The following KLB variants were observed in gnomAD, a reference collection of about 807,000 sequenced individuals.
The protein encoded by KLB is klotho beta.
In KLB, 44 loss-of-function variants were observed where a neutral mutation model predicts 88.4. The ratio of observed to expected loss-of-function variants is 0.50; its 90% CI spans 0.39 to 0.64. The LOEUF (loss-of-function observed/expected upper bound fraction) is 0.64. Among genes scored for constraint, KLB ranks in the 30% least tolerant of loss-of-function variants. The probability of loss-of-function intolerance (pLI) is 0.00; values close to 1 mark genes in which losing one functional copy is unlikely to be tolerated. For synonymous variants in KLB, 548 were observed against 513.4 expected (o/e 1.07, Z -0.91); for missense variants, 1,137 against 1,304.8 (o/e 0.87, Z 1.98).
intron 1 of KLB, among the ~76,000 whole-genome samples, chr4:39,412,656 C>T (rs1044832932): frequency 6.6e-6 from 1 of 152,268 alleles, no homozygotes; most frequent in Admixed American, 6.5e-5. Flanking sequence ...TTTAAGTGCC[C>T]CTTCTGCTGG....
At chr4:39,437,695 C>T in intron 2 of KLB, 32 bp from the exon 3 acceptor site, 2 of 1,576,722 alleles carry the variant, frequency 1.3e-6, no homozygotes, top group Non-Finnish European at 1.7e-6. Flanking sequence ...GTTTAGGCCT[C>T]TGAACATCTC....
chr4:39,412,206 C>CT (rs1246184876), intron 1 of KLB, among the ~76,000 whole-genome samples: 1 of 151,954 alleles, frequency 6.6e-6, no homozygotes, highest in Non-Finnish European at 1.5e-5. Flanking sequence ...TACCCCAAAA[C>CT]TATTGAAATT....
intron 1 of KLB, among the ~76,000 whole-genome samples, chr4:39,419,602 G>A (rs1350097824): frequency 6.6e-6 from 1 of 151,908 alleles, no homozygotes; most frequent in Non-Finnish European, 1.5e-5. Flanking sequence ...AGTGAAACCT[G>A]TCTCTACTGA....
chr4:39,441,837 C>A (rs1347364126), intron 3 of KLB: 1 of 152,012 alleles, frequency 6.6e-6, no homozygotes, highest in Middle Eastern at 3.4e-3. Context: ...AGAAAAATTA[C>A]GGTGCTTTTT....
intron 1 of KLB, 54 bp from the exon 2 acceptor site, chr4:39,434,156 T>C: frequency 1.7e-5 from 26 of 1,500,336 alleles, no homozygotes; most frequent in Non-Finnish European, 2.4e-5. Flanking sequence ...ACCAGCCATG[T>C]TACAGCCCTT....
intron 1 of KLB, among the ~76,000 whole-genome samples, chr4:39,425,118 A>G (rs1425623739): frequency 6.6e-6 from 1 of 152,210 alleles, no homozygotes; most frequent in Admixed American, 6.6e-5. Context: ...TGGCATGCAA[A>G]TGCTCTCCTC....
Position 39,407,243 on chromosome 4 carries a change from G to C in KLB, c.294G>C (p.Gly98=). 6.2e-7 allele frequency: 1 copy of C among 1,614,168 alleles called. No individual in the cohort carries two copies. Among genetic ancestry groups the C allele is most frequent in the African/African-American group, 1.3e-5 (1 of 75,032 alleles). ...GGACTGGAGCATTGCAAGTGGAAGGGAGTTGGAAGAAGGATGGAAAAGGAC... is the reference window on the plus strand; with the variant it reads ...GGACTGGAGCATTGCAAGTGGAAGGCAGTTGGAAGAAGGATGGAAAAGGAC... ...GIGTGALQVE[G]SWKKDGKGPS... The change falls in exon 1 of 5, where the codon GGG becomes GGC. Residue 98 remains glycine (G), a synonymous_variant. Transcript: ENST00000257408.
At chr4:39,427,001 C>T (rs778546696) in intron 1 of KLB, among the ~76,000 whole-genome samples, 4 of 152,032 alleles carry the variant, frequency 2.6e-5, no homozygotes, top group Non-Finnish European at 5.9e-5. Flanking sequence ...TATTTGTAGA[C>T]TGCAGCATGG....
At position 39,446,222 on chromosome 4, in the gene KLB, C is replaced by T; in HGVS notation, c.1606-110C>T. 1 of 924,722 alleles carries T rather than the reference C, an allele frequency of 1.1e-6. No homozygotes were observed. Among genetic ancestry groups the T allele is most frequent in the South Asian group, 1.7e-5 (1 of 59,878 alleles). 57.3% of individuals were successfully genotyped at this position (924,722 alleles called of 1,614,324 possible). ...GGGAGATTTCAAGGGCTGGAATAGGCCTGGCGTGGTGGCCTGTAATCCCAG... is the reference window on the plus strand; with the variant it reads ...GGGAGATTTCAAGGGCTGGAATAGGTCTGGCGTGGTGGCCTGTAATCCCAG... On this transcript the variant is annotated intron_variant, in intron 3 of 4. Transcript: ENST00000257408. This position sits in a 1 kb window ranked among gnomAD's most constrained non-coding sequence, Gnocchi z 6.4.
chr4:39,434,716 T>C lies in KLB; in HGVS notation c.1332T>C (p.Leu444=). The C allele has an allele frequency of 6.2e-7, 1 of 1,610,304 alleles. No homozygotes were observed. The highest frequency in any genetic ancestry group is 8.5e-7 in the Non-Finnish European group (1 of 1,178,484). The change falls in exon 2 of 5, where the codon CTT becomes CTC. Residue 444 remains leucine, a synonymous_variant. Transcript: ENST00000257408. ...YMMKNFLSQV[L]QAIRLDEIRV... is the part of the protein sequence containing the mutation. Reference sequence around the variant, plus strand: ...TGAAGAATTTCCTCAGCCAGGTGCTTCAAGGTTGGTTGTACACTTGCTTAA... The same window carrying C: ...TGAAGAATTTCCTCAGCCAGGTGCTCCAAGGTTGGTTGTACACTTGCTTAA...
chr4:39,411,685 C>T (rs1367326701), intron 1 of KLB, among the ~76,000 whole-genome samples: 3 of 151,652 alleles, frequency 2.0e-5, no homozygotes, highest in Non-Finnish European at 4.4e-5. Flanking sequence ...GCTCCTGGCC[C>T]TGGCTTGGCC....
At chr4:39,447,705 T>A (rs1447358201) in intron 4 of KLB, among the ~76,000 whole-genome samples, 2 of 152,198 alleles carry the variant, frequency 1.3e-5, no homozygotes, top group Non-Finnish European at 2.9e-5. Context: ...GAGAAGTTTT[T>A]AAAAAATCAC....
intron 1 of KLB, among the ~76,000 whole-genome samples, chr4:39,426,239 G>A (rs1380566610): frequency 2.6e-5 from 3 of 115,508 alleles, no homozygotes; most frequent in African/African-American, 9.9e-5. Flanking sequence ...GCGACAGAGC[G>A]AGACTCCATC....
At position 39,407,046 on chromosome 4, in the gene KLB, G is replaced by C. The variant is rs569507853; in HGVS notation, c.97G>C (p.Gly33Arg). 1.5e-5 allele frequency: 24 copies of C among 1,613,788 alleles called. No individual in the cohort carries two copies. Among genetic ancestry groups the C allele is most frequent in the Non-Finnish European group, 2.0e-5 (24 of 1,179,806 alleles). ...TTRYRNTMSN[G>R]GLQRSVILSA... ...ACGCTATAGGAATACAATGTCCAAC[G>C]GGGGATTGCAAAGATCTGTCATCCT... The change falls in exon 1 of 5, where the codon GGG becomes CGG. Residue 33 changes from glycine to arginine, a missense_variant. Gly to Arg is a moderately radical substitution (Grantham distance 125, BLOSUM62 -2). This residue lies in a region of KLB where 111 missense variants were observed against 118.3 expected (regional missense o/e 0.94). Transcript: ENST00000257408.
At chr4:39,422,390 G>C (rs1181318641) in intron 1 of KLB, among the ~76,000 whole-genome samples, 3 of 152,076 alleles carry the variant, frequency 2.0e-5, no homozygotes, top group Non-Finnish European at 4.4e-5. Context: ...CTAACTGGCA[G>C]GCAAGAGCAC....
intron 3 of KLB, among the ~76,000 whole-genome samples, chr4:39,439,856 C>T (rs1032743943): frequency 2.0e-5 from 3 of 151,944 alleles, no homozygotes; most frequent in East Asian, 1.9e-4. Context: ...TTAGTAGAGA[C>T]GGGGTTTCAC....
At position 39,407,156 on chromosome 4, in the gene KLB, G is replaced by A. The variant is rs374844943; in HGVS notation, c.207G>A (p.Pro69=). 3.8e-5 allele frequency: 61 copies of A among 1,614,036 alleles called. No individual in the cohort carries two copies. The highest frequency in any genetic ancestry group is 7.7e-5 in the South Asian group (7 of 91,076). Residue 69 remains proline, a synonymous_variant, in exon 1 of 5, where the codon CCG becomes CCA. Transcript: ENST00000257408. ...AIWSKNPNFT[P]VNESQLFLYD... ...GGTCTAAAAATCCTAATTTTACTCC[G>A]GTAAATGAAAGTCAGCTGTTTCTCT...
chr4:39,446,321 G>A lies in KLB; in HGVS notation c.1606-11G>A. On this transcript the variant is annotated splice_polypyrimidine_tract_variant and intron_variant, in intron 3 of 4. Coordinates refer to ENST00000257408, the MANE Select transcript of KLB (RefSeq NM_175737.4). This position sits in a 1 kb window ranked among gnomAD's most constrained non-coding sequence, Gnocchi z 6.4. ...GCGCATGCTTGACCTAAATGAGCTTGTTTTTCACAGCCCGAGTCTGTGGCT... is the reference window on the plus strand; with the variant it reads ...GCGCATGCTTGACCTAAATGAGCTTATTTTTCACAGCCCGAGTCTGTGGCT... The A allele has an allele frequency of 6.2e-7, 1 of 1,609,070 alleles. No homozygotes were observed. Among genetic ancestry groups the A allele is most frequent in the Non-Finnish European group, 8.5e-7 (1 of 1,177,480 alleles).
intron 3 of KLB, 109 bp downstream of exon 3, chr4:39,438,104 A>G: frequency 2.0e-6 from 2 of 983,622 alleles, no homozygotes; most frequent in Non-Finnish European, 3.0e-6. Flanking sequence ...AAATACCACA[A>G]TTGTATGGAG....
Sources: allele counts gnomAD v4.1 joint callset (sites outside exome capture counted in the v4.1 genomes callset), GRCh38; gene constraint gnomAD v4.1.1; regional missense constraint gnomAD v4.1.1; non-coding constraint Gnocchi (gnomAD v3.1); transcripts MANE v1.5; gene names NCBI Gene and HGNC (gene_info 2026-07-23, HGNC 2026-07-21).